Variants in EXOC4 observed in about 807,000 individuals in gnomAD.
EXOC4 encodes the protein exocyst complex component 4, also known as SEC8-like 1.
Under a neutral mutation model 107.2 loss-of-function variants are expected in EXOC4, and 71 were observed. The ratio of observed to expected loss-of-function variants is 0.66; its 90% CI spans 0.55 to 0.81. The LOEUF is 0.81. Among genes scored for constraint, EXOC4 ranks in the 30% least tolerant of loss-of-function variants. The pLI, the probability that EXOC4 is intolerant of heterozygous loss-of-function variation, is 0.00. For missense variants in EXOC4, 1,108 were observed against 1,189.6 expected, an observed-to-expected ratio of 0.93 and a Z score of 1.01; for synonymous variants, 456 against 441.2, an observed-to-expected ratio of 1.03 and a Z score of -0.42.
chr7:134,021,410 A>G (rs1795025104), intron 17 of EXOC4, among the ~76,000 whole-genome samples: 1 of 152,158 alleles, frequency 6.6e-6, no homozygotes, highest in Non-Finnish European at 1.5e-5. Context: ...CATGACCTAT[A>G]AAGGTCTTAT....
At chr7:133,984,832 G>T (rs1177211799) in intron 14 of EXOC4, among the ~76,000 whole-genome samples, 1 of 152,178 alleles carries the variant, frequency 6.6e-6, no homozygotes, top group Admixed American at 6.5e-5. Flanking sequence ...TCCCTAAGTT[G>T]TGTATTTGAG....
At chr7:133,603,965 C>T (rs1033541165) in intron 9 of EXOC4, among the ~76,000 whole-genome samples, 2 of 151,860 alleles carry the variant, frequency 1.3e-5, no homozygotes, top group Non-Finnish European at 2.9e-5. Flanking sequence ...AAAATATTTT[C>T]ATTATATCCT....
intron 7 of EXOC4, among the ~76,000 whole-genome samples, chr7:133,430,877 T>C (rs1797840999): frequency 6.6e-6 from 1 of 152,114 alleles, no homozygotes; most frequent in African/African-American, 2.4e-5. Flanking sequence ...GCTTGAGAGG[T>C]TCTAATGAAT....
rs1439951412 is a variant in EXOC4, at chr7:133,576,782, C to A, written c.1418-53263C>A. On this transcript the variant is annotated intron_variant, in intron 9 of 17. Transcript: ENST00000253861. Reference sequence around the variant, plus strand: ...GAGAGGTAACTGTGAGGCTTTTACACCCAGACAGCCCTTCTGTGCATGGCA... The same window carrying A: ...GAGAGGTAACTGTGAGGCTTTTACAACCAGACAGCCCTTCTGTGCATGGCA... 3 of 1,289,178 alleles carry A rather than the reference C, an allele frequency of 2.3e-6. No homozygotes were observed. The Admixed American group carries it at 6.9e-5, about 30-fold the overall frequency. 79.9% of individuals were successfully genotyped at this position (1,289,178 alleles called of 1,614,324 possible).
At chr7:133,692,955 C>T (rs1172474342) in intron 10 of EXOC4, among the ~76,000 whole-genome samples, 1 of 152,092 alleles carries the variant, frequency 6.6e-6, no homozygotes, top group Non-Finnish European at 1.5e-5. Context: ...CTGTTGTATC[C>T]TCCTCCTTGT....
chr7:134,034,491 G>A (rs1464530768), intron 17 of EXOC4, among the ~76,000 whole-genome samples: 9 of 152,172 alleles, frequency 5.9e-5, no homozygotes, highest in Admixed American at 3.9e-4. Flanking sequence ...ATTGAATCAC[G>A]GGGGCAGTTT....
chr7:133,745,806 G>A lies in EXOC4; in HGVS notation c.1515-71519G>A, dbSNP rs80098820. On this transcript the variant is annotated intron_variant, in intron 10 of 17. Transcript: ENST00000253861. Reference sequence around the variant, plus strand: ...TTGGTTTTGATGGTCTCTCCTTCTAGCATGTATGTTTTAAATGAGAAAGGA... The same window carrying A: ...TTGGTTTTGATGGTCTCTCCTTCTAACATGTATGTTTTAAATGAGAAAGGA... 2.2e-3 allele frequency among the ~76,000 whole-genome samples: 334 copies of A among 148,516 alleles called. 6 individuals carry two copies. In the East Asian group the frequency reaches 0.032, roughly 14 times the overall value.
chr7:133,468,809 T>C (rs1183042584), intron 7 of EXOC4, among the ~76,000 whole-genome samples: 1 of 152,204 alleles, frequency 6.6e-6, no homozygotes, highest in Non-Finnish European at 1.5e-5. Flanking sequence ...TCTTATTTTT[T>C]AGTATTTTTT....
At chr7:133,968,916 A>G (rs1002345017) in intron 14 of EXOC4, among the ~76,000 whole-genome samples, 1 of 152,176 alleles carries the variant, frequency 6.6e-6, no homozygotes, top group Non-Finnish European at 1.5e-5. Flanking sequence ...GTTCTCCTGA[A>G]TAATATCCTG....
At chr7:133,515,523 C>T (rs1799857052) in intron 9 of EXOC4, among the ~76,000 whole-genome samples, 1 of 152,070 alleles carries the variant, frequency 6.6e-6, no homozygotes, top group Non-Finnish European at 1.5e-5. Context: ...GGCTGGATTA[C>T]AGTGACAAGG....
At chr7:133,606,857 G>A (rs990052667) in intron 9 of EXOC4, among the ~76,000 whole-genome samples, 1 of 151,910 alleles carries the variant, frequency 6.6e-6, no homozygotes, top group African/African-American at 2.4e-5. Flanking sequence ...CCAGCACATT[G>A]GTGTGATAGG....
intron 12 of EXOC4, among the ~76,000 whole-genome samples, chr7:133,909,765 T>G (rs1799648390): frequency 6.6e-6 from 1 of 152,156 alleles, no homozygotes; most frequent in Non-Finnish European, 1.5e-5. Flanking sequence ...GAATTTGAAT[T>G]TTATTCTCAG....
intron 10 of EXOC4, among the ~76,000 whole-genome samples, chr7:133,815,153 C>A (rs1485955654): frequency 2.0e-5 from 3 of 151,946 alleles, no homozygotes; most frequent in Non-Finnish European, 4.4e-5. Flanking sequence ...CCGAAGCGGG[C>A]AGATCACATG....
intron 7 of EXOC4, among the ~76,000 whole-genome samples, chr7:133,460,616 A>G (rs1056485021): frequency 6.6e-6 from 1 of 152,058 alleles, no homozygotes; most frequent in Admixed American, 6.6e-5. Flanking sequence ...ATAAAATAGT[A>G]TTACTTTTTG....
At chr7:133,763,246 A>G (rs746693078) in intron 10 of EXOC4, among the ~76,000 whole-genome samples, 2 of 152,072 alleles carry the variant, frequency 1.3e-5, no homozygotes, top group Non-Finnish European at 2.9e-5. Flanking sequence ...ACTCTTACCA[A>G]TGGTCGTTGG....
chr7:133,983,873 G>GC (rs1794052169), intron 14 of EXOC4, among the ~76,000 whole-genome samples: 1 of 152,132 alleles, frequency 6.6e-6, no homozygotes, highest in Admixed American at 6.5e-5. Context: ...CTGTTCATTA[G>GC]CCCCCACTCC....
chr7:134,037,860 CT>C (rs1289781094), intron 17 of EXOC4, among the ~76,000 whole-genome samples: 1 of 152,076 alleles, frequency 6.6e-6, no homozygotes, highest in Non-Finnish European at 1.5e-5. Context: ...TAAAAAGGAC[CT>C]TTTTTCTTTC....
rs557909849 is a variant in EXOC4 at position 133,416,031 on chromosome 7, T to C, written c.1182+41029T>C. ...TCAGATCACACAGAGAGGGAGCAAA[T>C]GTAGTTAAATAAAAAACAACAAAAC... On this transcript the variant is annotated intron_variant, in intron 7 of 17. Transcript: ENST00000253861. Among the ~76,000 whole-genome samples the C allele has an allele frequency of 3.0e-4, 45 of 152,280 alleles. 1 individual carries two copies. Among genetic ancestry groups the C allele is most frequent in the African/African-American group, 1.1e-3 (45 of 41,574 alleles).
the EXOC4 span, among the ~76,000 whole-genome samples, chr7:134,072,697 C>T: frequency 6.6e-6 from 1 of 152,142 alleles, no homozygotes; most frequent in African/African-American, 2.4e-5. Flanking sequence ...TTAAAAATGC[C>T]CTCTGTTGCC....
Sources: allele counts gnomAD v4.1 joint callset (sites outside exome capture counted in the v4.1 genomes callset), GRCh38; gene constraint gnomAD v4.1.1; transcripts MANE v1.5; gene names NCBI Gene and HGNC (gene_info 2026-07-23, HGNC 2026-07-21).